Variants in PTN observed in about 807,000 individuals in gnomAD.
PTN encodes pleiotrophin, also known as heparin affin regulatory protein.
PTN carries 18 observed loss-of-function variants against 24.1 expected under a neutral mutation model. That is an observed-to-expected ratio of 0.75 (90% CI 0.52 to 1.11). PTN has a LOEUF of 1.11. PTN is among the 50% of genes least tolerant of loss of function. PTN has a pLI of 0.00. For missense variants in PTN, 163 were observed against 198.8 expected, an observed-to-expected ratio of 0.82 and a Z score of 1.08; for synonymous variants, 78 against 68.6, an observed-to-expected ratio of 1.14 and a Z score of -0.67.
intron 1 of PTN, among the ~76,000 whole-genome samples, chr7:137,263,307 A>T (rs1809076371): frequency 6.6e-6 from 1 of 152,184 alleles, no homozygotes; most frequent in African/African-American, 2.4e-5. Context: ...TTGTACAGGC[A>T]CATGTGCCAG....
Position 137,251,346 on chromosome 7 carries a change from T to C in PTN, c.335A>G (p.Asn112Ser), listed in dbSNP as rs1170310555. 1 of 1,614,082 alleles carries C rather than the reference T, an allele frequency of 6.2e-7. No individual in the cohort carries two copies. The highest frequency in any genetic ancestry group is 1.1e-5 in the South Asian group (1 of 91,086). The change falls in exon 4 of 5, where the codon AAC becomes AGC. Residue 112 changes from asparagine (N) to serine (S), a missense_variant. Transcript: ENST00000348225. ...QFQAWGECDLNTALKTRTGSL... is the reference protein window; with the variant it reads ...QFQAWGECDLSTALKTRTGSL... Reference sequence around the variant, plus strand: ...TCCAGTTCTGGTCTTCAGGGCTGTGTTCAGGTCACATTCTCCCCAGGCCTG... The same window carrying C: ...TCCAGTTCTGGTCTTCAGGGCTGTGCTCAGGTCACATTCTCCCCAGGCCTG...
chr7:137,304,522 T>A (rs1284737202), intron 1 of PTN, among the ~76,000 whole-genome samples: 1 of 151,836 alleles, frequency 6.6e-6, no homozygotes, highest in Non-Finnish European at 1.5e-5. Context: ...GAAGAAAGCT[T>A]TATTGCCTGA....
chr7:137,286,767 A>G (rs997756159), intron 1 of PTN, among the ~76,000 whole-genome samples: 2 of 152,152 alleles, frequency 1.3e-5, no homozygotes, highest in Admixed American at 1.3e-4. Flanking sequence ...TAAAAAGCAG[A>G]AGTTACCATA....
chr7:137,251,574 T>C (rs570687188), intron 3 of PTN, among the ~76,000 whole-genome samples, 183 bp from the exon 4 acceptor site: 48 of 152,304 alleles, frequency 3.2e-4, no homozygotes, highest in Admixed American at 5.2e-4. Flanking sequence ...ATCACATGTG[T>C]AGATGCATAC....
intron 4 of PTN, among the ~76,000 whole-genome samples, chr7:137,232,425 ATAG>A (rs1808443768): frequency 6.6e-6 from 1 of 151,964 alleles, no homozygotes; most frequent in Admixed American, 6.6e-5. Flanking sequence ...ATGAGAAAAA[ATAG>A]TAGGTGTGTA....
intron 1 of PTN, among the ~76,000 whole-genome samples, chr7:137,278,425 T>C (rs1341119893): frequency 6.7e-6 from 1 of 150,100 alleles, no homozygotes; most frequent in East Asian, 2.0e-4. Context: ...CTATTTTAAA[T>C]ATATATATTT....
At chr7:137,330,599 C>T (rs367755649) in intron 1 of PTN, among the ~76,000 whole-genome samples, 24 of 152,192 alleles carry the variant, frequency 1.6e-4, no homozygotes, top group East Asian at 5.8e-4. Flanking sequence ...GAAAACAATG[C>T]GTTAGACGGT....
At chr7:137,260,091 G>T (rs1367221192) in intron 1 of PTN, among the ~76,000 whole-genome samples, 1 of 152,060 alleles carries the variant, frequency 6.6e-6, no homozygotes, top group African/African-American at 2.4e-5. Flanking sequence ...CATAATAAAA[G>T]ATTGTCTCTG....
intron 1 of PTN, among the ~76,000 whole-genome samples, chr7:137,319,720 A>T (rs1810132501): frequency 6.6e-6 from 1 of 152,186 alleles, no homozygotes; most frequent in Admixed American, 6.5e-5. Flanking sequence ...AGGCTTGGAG[A>T]CCCAGAAGCT....
Position 137,244,398 on chromosome 7 carries a change from T to A in PTN, c.451+6832A>T, listed in dbSNP as rs1401637278. Reference sequence around the variant, plus strand: ...AATTTTTTTTTTTTTTTTTTTTTTTTACTTTAAGTTCTAGGGTACATGTGC... The same window carrying A: ...AATTTTTTTTTTTTTTTTTTTTTTTAACTTTAAGTTCTAGGGTACATGTGC... On this transcript the variant is annotated intron_variant, in intron 4 of 4. Coordinates refer to ENST00000348225, the MANE Select transcript of PTN (RefSeq NM_002825.7). Among the ~76,000 whole-genome samples the A allele has an allele frequency of 2.9e-5, 4 of 137,250 alleles. No homozygotes were observed. The East Asian group carries it at 9.3e-4, about 32-fold the overall frequency. The allele number at this position is 137,250 out of a possible 152,430, so 90.0% of individuals were successfully genotyped here.
At chr7:137,342,049 T>C (rs1810542854) in intron 1 of PTN, among the ~76,000 whole-genome samples, 1 of 152,174 alleles carries the variant, frequency 6.6e-6, no homozygotes, top group African/African-American at 2.4e-5. Context: ...GGAAACATAA[T>C]GAAGATGGAA....
At chr7:137,250,554 A>G (rs1362544965) in intron 4 of PTN, among the ~76,000 whole-genome samples, 1 of 152,240 alleles carries the variant, frequency 6.6e-6, no homozygotes. Context: ...CAATTCAGAC[A>G]ATAACATCCA....
Position 137,278,340 on chromosome 7 carries a change from G to GAAAAAAA in PTN, c.-1-23367_-1-23366insTTTTTTT, listed in dbSNP as rs1554466606. On this transcript the variant is annotated intron_variant, in intron 1 of 4. Coordinates refer to ENST00000348225, the MANE Select transcript of PTN (RefSeq NM_002825.7). Reference sequence around the variant, plus strand: ...AAAAAAAAAAAAAAAAAAAAAAAATGACTACTAATCAAAAAGCCAGATTGT... The same window carrying GAAAAAAA: ...AAAAAAAAAAAAAAAAAAAAAAAATGAAAAAAAACTACTAATCAAAAAGCCAGATTGT... Among the ~76,000 whole-genome samples the GAAAAAAA allele has an allele frequency of 1.8e-4, 18 of 97,340 alleles. 1 individual carries two copies. Among genetic ancestry groups the GAAAAAAA allele is most frequent in the East Asian group, 1.3e-3 (4 of 3,066 alleles). 63.9% of individuals were successfully genotyped at this position (97,340 alleles called of 152,430 possible).
At chr7:137,312,255 G>C (rs989721275) in intron 1 of PTN, among the ~76,000 whole-genome samples, 3 of 152,172 alleles carry the variant, frequency 2.0e-5, no homozygotes, top group African/African-American at 7.2e-5. Context: ...ATATAAATTA[G>C]ACTGTGCAGC....
chr7:137,254,811 T>C lies in PTN; in HGVS notation c.115+48A>G, dbSNP rs762874938. 5.3e-5 allele frequency: 69 copies of C among 1,300,230 alleles called. No homozygotes were observed. In the East Asian group the frequency reaches 1.6e-3, roughly 30 times the overall value. 80.5% of individuals were successfully genotyped at this position (1,300,230 alleles called of 1,614,324 possible). ...AGGAAAAGCAGGTAATTAGACTAGA[T>C]GGACATTAATCAATGAAGCATCTTG... On this transcript the variant is annotated intron_variant, in intron 2 of 4. Coordinates refer to ENST00000348225, the MANE Select transcript of PTN (RefSeq NM_002825.7).
chr7:137,233,773 A>G (rs961080483), intron 4 of PTN, among the ~76,000 whole-genome samples: 3 of 151,806 alleles, frequency 2.0e-5, no homozygotes, highest in African/African-American at 7.3e-5. Context: ...CCTACAGTAG[A>G]TTTACCCTGA....
intron 1 of PTN, among the ~76,000 whole-genome samples, chr7:137,315,608 C>T (rs144920977): frequency 4.5e-4 from 68 of 152,220 alleles, no homozygotes; most frequent in African/African-American, 1.4e-3. Flanking sequence ...GGAGATCTAG[C>T]CGGATTCGAA....
At chr7:137,318,330 G>T (rs1810107160) in intron 1 of PTN, among the ~76,000 whole-genome samples, 1 of 152,134 alleles carries the variant, frequency 6.6e-6, no homozygotes, top group African/African-American at 2.4e-5. Flanking sequence ...GGCTGTGAAT[G>T]AACCAGGTAT....
Position 137,227,451 on chromosome 7 carries a change from T to A in PTN, c.*569A>T, listed in dbSNP as rs1023583494. ...TCTGCCAAAGTGAAAGAATTTTATG[T>A]CTTAATGCTTTTCTTTAAAAAAAAA... is the stretch of plus-strand genomic sequence containing the variant. On this transcript the variant is annotated 3_prime_UTR_variant, in exon 5 of 5. Coordinates refer to ENST00000348225, the MANE Select transcript of PTN (RefSeq NM_002825.7). 1 of 149,624 alleles carries A rather than the reference T, an allele frequency of 6.7e-6. No homozygotes were observed. Among genetic ancestry groups the A allele is most frequent in the African/African-American group, 2.5e-5 (1 of 40,148 alleles). The allele number at this position is 149,624 out of a possible 1,614,324, so 9.3% of individuals were successfully genotyped here.
Sources: gnomAD v4.1 joint callset for allele counts (sites outside exome capture counted in the v4.1 genomes callset) on GRCh38, gnomAD v4.1.1 for gene constraint, MANE v1.5 for transcripts, NCBI Gene and HGNC (gene_info 2026-07-23, HGNC 2026-07-21) for gene names.